Variants in RBFOX1 observed in about 807,000 individuals in gnomAD.
The protein encoded by RBFOX1 is RNA binding fox-1 homolog 1, also known as RNA binding protein fox-1 homolog 1.
A neutral mutation model predicts 57.7 loss-of-function variants in RBFOX1; 8 were observed. That is an observed-to-expected ratio of 0.14 (90% CI 0.08 to 0.25). The LOEUF is 0.25. Ranked by LOEUF, RBFOX1 falls within the 10% of genes least tolerant of loss-of-function variation. The probability of loss-of-function intolerance (pLI) is 1.00; values close to 1 mark genes in which losing one functional copy is unlikely to be tolerated. For synonymous variants in RBFOX1, 326 were observed against 222.4 expected (o/e 1.47, Z -4.15); for missense variants, 611 against 548.5 (o/e 1.11, Z -1.14).
At chr16:6,257,069 G>A (rs1393514316) in intron 1 of RBFOX1, among the ~76,000 whole-genome samples, 1 of 152,012 alleles carries the variant, frequency 6.6e-6, no homozygotes, top group Non-Finnish European at 1.5e-5. Flanking sequence ...ATTTTTTGAT[G>A]TATTTTATTT....
intron 3 of RBFOX1, among the ~76,000 whole-genome samples, chr16:6,682,179 C>A (rs142287650): frequency 1.3e-5 from 2 of 152,076 alleles, no homozygotes; most frequent in Non-Finnish European, 2.9e-5. Flanking sequence ...TCATTTGTGC[C>A]CAAGGATTAG....
intron 3 of RBFOX1, among the ~76,000 whole-genome samples, chr16:5,673,675 C>T (rs761368545): frequency 6.6e-6 from 1 of 152,130 alleles, no homozygotes; most frequent in Admixed American, 6.5e-5. Flanking sequence ...CTTTGACTTG[C>T]ATTTCTTCTC....
chr16:7,636,126 C>G (rs1019385462), intron 11 of RBFOX1, among the ~76,000 whole-genome samples: 4 of 152,210 alleles, frequency 2.6e-5, no homozygotes, highest in African/African-American at 9.6e-5. Context: ...ACCTCTTTTT[C>G]TATTCCCTCC....
chr16:6,303,768 G>C (rs2079105794), intron 1 of RBFOX1, among the ~76,000 whole-genome samples: 1 of 141,812 alleles, frequency 7.1e-6, no homozygotes, highest in Admixed American at 7.1e-5. Context: ...GAGGTCACGA[G>C]TTTGAGACCG....
At chr16:6,880,541 C>T (rs17235672) in intron 3 of RBFOX1, among the ~76,000 whole-genome samples, 38,459 of 152,058 alleles carry the variant, frequency 0.25, 5,102 homozygotes, top group African/African-American at 0.32. Flanking sequence ...TCAGGTTAGA[C>T]AGCTTCAGAC....
chr16:5,261,501 C>T (rs1300241630), intron 1 of RBFOX1, among the ~76,000 whole-genome samples: 2 of 149,910 alleles, frequency 1.3e-5, no homozygotes, highest in Admixed American at 1.3e-4. Context: ...ATTCTGTTTT[C>T]CTTAGAAATT....
In RBFOX1 at chr16:7,063,851, G is replaced by A. The variant is rs189884963; in HGVS notation, c.27+11753G>A. Among the ~76,000 whole-genome samples the A allele has an allele frequency of 8.5e-5, 13 of 152,328 alleles. No homozygotes were observed. The East Asian group carries it at 1.5e-3, about 18-fold the overall frequency. On this transcript the variant is annotated intron_variant, in intron 4 of 15. Coordinates refer to ENST00000550418, the MANE Select transcript of RBFOX1 (RefSeq NM_018723.4). ...GTAATATAGAGATGTTTTAAAGTAT[G>A]TGGGTGGATGTGCATAGGTTATATG... is the stretch of plus-strand genomic sequence containing the variant.
At chr16:5,904,634 G>T (rs374219708) in intron 4 of RBFOX1, among the ~76,000 whole-genome samples, 1 of 151,928 alleles carries the variant, frequency 6.6e-6, no homozygotes. Context: ...TGAGGTCTTT[G>T]CCCTCAGTAC....
chr16:6,779,371 T>C (rs1476654116), intron 3 of RBFOX1, among the ~76,000 whole-genome samples: 2 of 152,060 alleles, frequency 1.3e-5, no homozygotes, highest in Non-Finnish European at 2.9e-5. Flanking sequence ...GGTTGAATAA[T>C]ATTCCATTGT....
intron 1 of RBFOX1, among the ~76,000 whole-genome samples, chr16:6,102,958 G>A (rs1191055476): frequency 6.6e-6 from 1 of 152,124 alleles, no homozygotes; most frequent in East Asian, 1.9e-4. Flanking sequence ...AGTGTTCAGG[G>A]CCATTCTAAT....
At chr16:6,554,110 C>A (rs2097048887) in intron 2 of RBFOX1, among the ~76,000 whole-genome samples, 1 of 152,052 alleles carries the variant, frequency 6.6e-6, no homozygotes, top group Non-Finnish European at 1.5e-5. Flanking sequence ...ATGAAAATAA[C>A]AAAGTGTTAA....
chr16:7,625,461 A>C (rs1394072393), intron 10 of RBFOX1, among the ~76,000 whole-genome samples: 3 of 152,196 alleles, frequency 2.0e-5, no homozygotes, highest in Non-Finnish European at 4.4e-5. Context: ...AGAGGTACAG[A>C]CAGTGCATGA....
In RBFOX1 at chr16:5,454,870, CTT is replaced by C. The variant is rs1166445065; in HGVS notation, c.220-12344_220-12343del. On this transcript the variant is annotated intron_variant, in intron 1 of 2. Transcript: ENST00000585867. The stretch of plus-strand genomic sequence containing the variant: ...CTTTCTTTCTTTTCTTTCTTTCTTT[CTT>C]TCTTTCTTTCTTTCTTTCTTTCTTT... Among the ~76,000 whole-genome samples, 66 of 55,086 alleles carry C rather than the reference CTT, an allele frequency of 1.2e-3. 2 individuals are homozygous for C. The highest frequency in any genetic ancestry group is 2.4e-3 in the Non-Finnish European group (57 of 23,624). The allele number at this position is 55,086 out of a possible 152,430, so 36.1% of individuals were successfully genotyped here.
Position 5,507,574 on chromosome 16 carries a change from T to C in RBFOX1, c.258+40320T>C, listed in dbSNP as rs368212458. Reference sequence around the variant, plus strand: ...GAATTGTGTCCCCCACCACAAGATATGTTGAAGTCCTAACCCTTCATGCCT... The same window carrying C: ...GAATTGTGTCCCCCACCACAAGATACGTTGAAGTCCTAACCCTTCATGCCT... On this transcript the variant is annotated intron_variant, in intron 2 of 2. Coordinates refer to the RBFOX1 transcript ENST00000585867. Among the ~76,000 whole-genome samples the C allele has an allele frequency of 2.4e-4, 37 of 152,336 alleles. No homozygotes were observed. In the East Asian group the frequency reaches 7.1e-3, roughly 29 times the overall value.
At chr16:5,704,158 G>C (rs552500309) in intron 3 of RBFOX1, among the ~76,000 whole-genome samples, 1 of 152,208 alleles carries the variant, frequency 6.6e-6, no homozygotes, top group South Asian at 2.1e-4. Context: ...GAAGAGGGGA[G>C]GTCCCAAATG....
At chr16:6,072,874 C>G (rs2095853479) in intron 1 of RBFOX1, among the ~76,000 whole-genome samples, 1 of 152,136 alleles carries the variant, frequency 6.6e-6, no homozygotes, top group African/African-American at 2.4e-5. Context: ...AAAGATAGGT[C>G]TGTTCCTATG....
intron 1 of RBFOX1, among the ~76,000 whole-genome samples, chr16:5,340,889 A>G (rs904616539): frequency 1.3e-5 from 2 of 152,262 alleles, no homozygotes; most frequent in African/African-American, 4.8e-5. Context: ...GGAGAGAAAG[A>G]CAGCTGGGTA....
intron 4 of RBFOX1, among the ~76,000 whole-genome samples, chr16:7,284,986 T>TACC (rs1172830821): frequency 6.8e-6 from 1 of 147,820 alleles, no homozygotes; most frequent in African/African-American, 2.5e-5. Flanking sequence ...GCCTCATCCC[T>TACC]CCGTTGCCCA....
Position 5,824,564 on chromosome 16 carries a change from C to T in RBFOX1, c.319-42739C>T, listed in dbSNP as rs139292936. On this transcript the variant is annotated intron_variant, in intron 3 of 19. Coordinates refer to the RBFOX1 transcript ENST00000641259. ...GGGGTGATTGACACATGCAATTTCC[C>T]TCCTCCTGTCTGGCTGAGGTGTGGA... Among the ~76,000 whole-genome samples, 827 of 152,286 alleles carry T rather than the reference C, an allele frequency of 5.4e-3. 2 individuals carry two copies. Among genetic ancestry groups the T allele is most frequent in the Middle Eastern group, 0.017 (5 of 294 alleles).
Sources: allele counts gnomAD v4.1 joint callset (sites outside exome capture counted in the v4.1 genomes callset), GRCh38; gene constraint gnomAD v4.1.1; transcripts MANE v1.5; gene names NCBI Gene and HGNC (gene_info 2026-07-23, HGNC 2026-07-21).